Variants in CCL17 observed in about 807,000 individuals in gnomAD.
The protein encoded by CCL17 is C-C motif chemokine 17.
A neutral mutation model predicts 7.4 loss-of-function variants in CCL17; 8 were observed. That is an observed-to-expected ratio of 1.09 (90% CI 0.64 to 1.96). The LOEUF is 1.96. Among genes scored for constraint, CCL17 ranks in the 30% most tolerant of loss-of-function variants. The pLI, the probability that CCL17 is intolerant of heterozygous loss-of-function variation, is 0.00. For synonymous variants in CCL17, 40 were observed against 46.1 expected (o/e 0.87, Z 0.54); for missense variants, 102 against 113.0 (o/e 0.90, Z 0.44).
At chr16:57,414,174 A>T (rs1431661475) in intron 2 of CCL17, among the ~76,000 whole-genome samples, 172 bp downstream of exon 2, 1 of 151,964 alleles carries the variant, frequency 6.6e-6, no homozygotes, top group Non-Finnish European at 1.5e-5. Context: ...AGCAGAGAAA[A>T]ATGTTGATGA....
At chr16:57,406,644 G>A (rs1252085773) in intron 1 of CCL17, among the ~76,000 whole-genome samples, 1 of 152,150 alleles carries the variant, frequency 6.6e-6, no homozygotes, top group East Asian at 1.9e-4. Flanking sequence ...AGTGGGAGGA[G>A]CATCAAGAAG....
rs34379253 is a variant in CCL17 at position 57,415,775 on chromosome 16, G to A, written c.199G>A (p.Val67Met). 0.032 allele frequency: 50,851 copies of A among 1,609,184 alleles called. 951 individuals carry two copies. Among genetic ancestry groups the A allele is most frequent in the Middle Eastern group, 0.036 (220 of 6,030 alleles). The change falls in exon 4 of 4, where the codon GTG becomes ATG. Residue 67 changes from valine (V) to methionine (M), a missense_variant. Physicochemically the swap from Val to Met is conservative, Grantham distance 21. Coordinates refer to ENST00000219244, the MANE Select transcript of CCL17 (RefSeq NM_002987.3). This position sits in a 1 kb window ranked among gnomAD's most constrained non-coding sequence, Gnocchi z 4.5. ...CSRDAIVFVTVQGRAICSDPN... is the reference protein window; with the variant it reads ...CSRDAIVFVTMQGRAICSDPN... ...CCTCCTTCTGTGTAGTTTTGTAACTGTGCAGGGCAGGGCCATCTGTTCGGA... is the reference window on the plus strand; with the variant it reads ...CCTCCTTCTGTGTAGTTTTGTAACTATGCAGGGCAGGGCCATCTGTTCGGA...
chr16:57,407,278 A>G (rs1231747321), intron 1 of CCL17, among the ~76,000 whole-genome samples: 2 of 152,078 alleles, frequency 1.3e-5, no homozygotes, highest in Non-Finnish European at 2.9e-5. Context: ...AAAGGTTGAG[A>G]TCCAAGCCAC....
At chr16:57,403,948 C>G (rs1009477335), upstream of CCL17, among the ~76,000 whole-genome samples, 1 of 151,872 alleles carries the variant, frequency 6.6e-6, no homozygotes, top group Non-Finnish European at 1.5e-5. Flanking sequence ...TGAGCCACCA[C>G]GCCCGGCCTA....
At chr16:57,401,231 G>C (rs1432818044), upstream of CCL17, among the ~76,000 whole-genome samples, 1 of 151,952 alleles carries the variant, frequency 6.6e-6, no homozygotes, top group Non-Finnish European at 1.5e-5. Flanking sequence ...GCTTAGAAAT[G>C]AGCATGAACA....
At chr16:57,403,482 ATAAT>A (rs1902636803), upstream of CCL17, among the ~76,000 whole-genome samples, 4 of 2,008 alleles carry the variant, frequency 2.0e-3, no homozygotes, top group African/African-American at 3.6e-3. Flanking sequence ...TATATATTAT[ATAAT>A]AATATATATA....
upstream of CCL17, among the ~76,000 whole-genome samples, chr16:57,403,464 T>TATTATATAATAATA (rs1488744718): frequency 5.1e-4 from 1 of 1,954 alleles, no homozygotes; most frequent in South Asian, 0.036. Context: ...ATAATATATA[T>TATTATATAATAATA]TATATTATAT....
At chr16:57,405,998 C>T (rs1269136057) in intron 1 of CCL17, among the ~76,000 whole-genome samples, 2 of 151,340 alleles carry the variant, frequency 1.3e-5, no homozygotes, top group African/African-American at 4.9e-5. Context: ...GCCGAGATAG[C>T]GCTGCTGCAG....
upstream of CCL17, among the ~76,000 whole-genome samples, chr16:57,403,355 T>C (rs1298563340): frequency 2.2e-3 from 52 of 24,022 alleles, 2 homozygotes; most frequent in East Asian, 3.9e-3. Flanking sequence ...ATATATATAA[T>C]ATATATATTA....
the CCL17 span, among the ~76,000 whole-genome samples, chr16:57,396,733 C>T: frequency 3.3e-5 from 5 of 152,132 alleles, no homozygotes; most frequent in South Asian, 2.1e-4. Flanking sequence ...TTGGGTGAGT[C>T]GGAAGTTACT....
chr16:57,413,031 G>A (rs1902809644), intron 1 of CCL17, among the ~76,000 whole-genome samples: 1 of 152,134 alleles, frequency 6.6e-6, no homozygotes, highest in African/African-American at 2.4e-5. Flanking sequence ...GTCAGCTCAG[G>A]GCCTGGCTCA....
chr16:57,415,711 C>T lies in CCL17; in HGVS notation c.189-54C>T, dbSNP rs1902857855. 5 of 1,205,690 alleles carry T rather than the reference C, an allele frequency of 4.1e-6. No individual in the cohort carries two copies. The highest frequency in any genetic ancestry group is 3.6e-5 in the South Asian group (3 of 82,854). 74.7% of individuals were successfully genotyped at this position (1,205,690 alleles called of 1,614,324 possible). A position where few individuals can be genotyped will look rare whatever the true frequency, so the allele number is the denominator to read the frequency against. On this transcript the variant is annotated intron_variant, in intron 3 of 3. Coordinates refer to ENST00000219244, the MANE Select transcript of CCL17 (RefSeq NM_002987.3). The surrounding 1 kb of genome is among the most constrained non-coding windows in gnomAD (Gnocchi z 4.5). Reference sequence around the variant, plus strand: ...AGCACAGGGCGGGCCGTCCCAGGGACTCTGGGGGCCCTTCCCCCCCTGCCA... The same window carrying T: ...AGCACAGGGCGGGCCGTCCCAGGGATTCTGGGGGCCCTTCCCCCCCTGCCA...
upstream of CCL17, among the ~76,000 whole-genome samples, chr16:57,402,850 C>T (rs1366339773): frequency 3.3e-5 from 5 of 151,558 alleles, no homozygotes; most frequent in African/African-American, 1.2e-4. Context: ...GTATTGAAGG[C>T]CTACCATGTG....
upstream of CCL17, among the ~76,000 whole-genome samples, chr16:57,401,713 T>A (rs1902594355): frequency 6.6e-6 from 1 of 151,992 alleles, no homozygotes; most frequent in African/African-American, 2.4e-5. Context: ...TGGTAATACA[T>A]CTGTTAACCT....
the CCL17 span, among the ~76,000 whole-genome samples, chr16:57,397,699 G>A: frequency 3.9e-5 from 6 of 152,268 alleles, no homozygotes; most frequent in South Asian, 6.2e-4. Context: ...TTTCCATATT[G>A]CAGCATGGGC....
upstream of CCL17, among the ~76,000 whole-genome samples, chr16:57,403,553 A>ATTTAT: frequency 3.6e-5 from 1 of 27,590 alleles, no homozygotes; most frequent in Non-Finnish European, 5.2e-5. Flanking sequence ...TATATATTTT[A>ATTTAT]TATATATATA....
At chr16:57,401,795 A>T (rs1567560311), upstream of CCL17, among the ~76,000 whole-genome samples, 1 of 152,090 alleles carries the variant, frequency 6.6e-6, no homozygotes, top group African/African-American at 2.4e-5. Context: ...GGTTGATTTT[A>T]CTTTCAATCA....
chr16:57,401,350 C>A (rs1250222231), upstream of CCL17, among the ~76,000 whole-genome samples: 1 of 151,856 alleles, frequency 6.6e-6, no homozygotes, highest in Non-Finnish European at 1.5e-5. Flanking sequence ...ATGGTGGAAC[C>A]CCGTCTCTAC....
upstream of CCL17, among the ~76,000 whole-genome samples, chr16:57,401,727 G>T (rs1366514649): frequency 1.3e-5 from 2 of 152,114 alleles, no homozygotes; most frequent in African/African-American, 4.8e-5. Flanking sequence ...TTAACCTGGT[G>T]GTGGGTACAG....
Sources: gnomAD v4.1 joint callset for allele counts (sites outside exome capture counted in the v4.1 genomes callset) on GRCh38, gnomAD v4.1.1 for gene constraint, Gnocchi (gnomAD v3.1) non-coding constraint, MANE v1.5 for transcripts, NCBI Gene and HGNC (gene_info 2026-07-23, HGNC 2026-07-21) for gene names.